MMP16: variants seen among roughly 807,000 people sequenced by gnomAD.
MMP16 encodes the protein matrix metalloproteinase-16.
Under a neutral mutation model 67.8 loss-of-function variants are expected in MMP16, and 12 were observed. The observed-to-expected ratio is 0.18, with a 90% confidence interval of 0.11 to 0.29. MMP16 has a LOEUF of 0.29. Among genes scored for constraint, MMP16 ranks in the 10% least tolerant of loss-of-function variants. The pLI is 1.00. For missense variants in MMP16, 475 were observed against 765.7 expected (o/e 0.62, Z 4.48); for synonymous variants, 249 against 255.9 (o/e 0.97, Z 0.26).
At chr8:88,198,262 C>T (rs1809288000) in intron 1 of MMP16, among the ~76,000 whole-genome samples, 1 of 152,150 alleles carries the variant, frequency 6.6e-6, no homozygotes, top group Non-Finnish European at 1.5e-5. Flanking sequence ...GTTCAGGCCA[C>T]ATCCCATCCT....
In MMP16 at chr8:88,298,797, G is replaced by T. The variant is rs538970965; in HGVS notation, c.132+28278C>A. 3.3e-5 allele frequency among the ~76,000 whole-genome samples: 5 copies of T among 152,064 alleles called. No homozygotes were observed. In the South Asian group the frequency reaches 1.0e-3, roughly 32 times the overall value. ...CTACATAATGTGAATTATCTATATT[G>T]CTTTTTAAGTCATCTCTTACTTCAA... On this transcript the variant is annotated intron_variant, in intron 1 of 9. Transcript: ENST00000286614.
chr8:88,254,730 A>G (rs1810276095), intron 1 of MMP16, among the ~76,000 whole-genome samples: 1 of 152,220 alleles, frequency 6.6e-6, no homozygotes, highest in Non-Finnish European at 1.5e-5. Context: ...ATTATAGCAA[A>G]GAGTAAACAA....
At chr8:88,286,049 G>T (rs1459809267) in intron 1 of MMP16, among the ~76,000 whole-genome samples, 1 of 152,124 alleles carries the variant, frequency 6.6e-6, no homozygotes. Context: ...CAAAAAGTCA[G>T]TAACAGGTCT....
At chr8:88,283,711 G>C (rs573426333) in intron 1 of MMP16, among the ~76,000 whole-genome samples, 2 of 152,074 alleles carry the variant, frequency 1.3e-5, no homozygotes, top group South Asian at 2.1e-4. Flanking sequence ...AACCAAAAAT[G>C]CTTTAAAATT....
chr8:88,182,850 T>G (rs751112322), intron 3 of MMP16, among the ~76,000 whole-genome samples: 3 of 152,014 alleles, frequency 2.0e-5, no homozygotes, highest in Non-Finnish European at 2.9e-5. Context: ...AATGGCACAT[T>G]TATACAATGG....
At chr8:88,192,804 T>C (rs1414578603) in intron 2 of MMP16, among the ~76,000 whole-genome samples, 2 of 152,160 alleles carry the variant, frequency 1.3e-5, no homozygotes, top group South Asian at 4.1e-4. Context: ...AAAAATCTAC[T>C]TATTCAACCT....
chr8:88,090,816 T>A (rs751445838), intron 6 of MMP16, among the ~76,000 whole-genome samples: 10 of 151,858 alleles, frequency 6.6e-5, no homozygotes, highest in Non-Finnish European at 1.5e-4. Context: ...ATAGCTTTTG[T>A]GGTCTGGATA....
At chr8:88,254,576 C>A (rs1192309277) in intron 1 of MMP16, among the ~76,000 whole-genome samples, 1 of 151,752 alleles carries the variant, frequency 6.6e-6, no homozygotes, top group Non-Finnish European at 1.5e-5. Context: ...AATGCATCCA[C>A]TAGTTTGTAT....
chr8:88,211,533 T>C (rs1396141389), intron 1 of MMP16, among the ~76,000 whole-genome samples: 2 of 152,106 alleles, frequency 1.3e-5, no homozygotes, highest in African/African-American at 2.4e-5. Context: ...CCAAACTTCA[T>C]GGGGCAGAGC....
At chr8:88,216,077 G>C (rs191068034) in intron 1 of MMP16, among the ~76,000 whole-genome samples, 2 of 152,252 alleles carry the variant, frequency 1.3e-5, no homozygotes, top group Non-Finnish European at 2.9e-5. Flanking sequence ...TTTTAGTCTA[G>C]AGCAGTGTTC....
intron 7 of MMP16, among the ~76,000 whole-genome samples, chr8:88,057,410 C>T (rs1808345028): frequency 1.3e-5 from 2 of 152,090 alleles, no homozygotes; most frequent in Non-Finnish European, 2.9e-5. Context: ...AGTCAGTAAA[C>T]ACCCATTACC....
intron 2 of MMP16, among the ~76,000 whole-genome samples, chr8:88,195,784 T>C (rs1809240606): frequency 6.6e-6 from 1 of 152,140 alleles, no homozygotes; most frequent in Non-Finnish European, 1.5e-5. Flanking sequence ...AAGATGTAGA[T>C]CAAAGTTAAT....
At position 88,131,837 on chromosome 8, in the gene MMP16, C is replaced by T. The variant is rs1240385815; in HGVS notation, c.710-12976G>A. 2.0e-5 allele frequency among the ~76,000 whole-genome samples: 3 copies of T among 151,812 alleles called. No homozygotes were observed. In the East Asian group the frequency reaches 5.8e-4, roughly 30 times the overall value. ...CACAACACATATAAAAGTGATGAAA[C>T]ATTTGCCCCTCTTCTCTCATTGTTG... On this transcript the variant is annotated intron_variant, in intron 4 of 9. Transcript: ENST00000286614.
intron 1 of MMP16, among the ~76,000 whole-genome samples, chr8:88,270,296 C>T (rs549236847): frequency 2.0e-5 from 3 of 152,266 alleles, no homozygotes; most frequent in Admixed American, 1.3e-4. Context: ...ATACTACAAT[C>T]CCATTTCTAA....
intron 2 of MMP16, among the ~76,000 whole-genome samples, chr8:88,194,528 C>T (rs1809221144): frequency 6.6e-6 from 1 of 151,890 alleles, no homozygotes; most frequent in African/African-American, 2.4e-5. Flanking sequence ...AAAAATAGTA[C>T]ACTATTTCAG....
intron 1 of MMP16, among the ~76,000 whole-genome samples, chr8:88,268,073 T>C (rs1810506480): frequency 6.6e-6 from 1 of 152,224 alleles, no homozygotes. Context: ...CCGGGAGCGG[T>C]GGCTCGTGCC....
intron 6 of MMP16, among the ~76,000 whole-genome samples, chr8:88,092,772 C>T (rs1377632197): frequency 6.6e-6 from 1 of 151,726 alleles, no homozygotes; most frequent in Non-Finnish European, 1.5e-5. Context: ...TTGATCTTTG[C>T]CATTAATATT....
chr8:88,179,577 T>C (rs979666994), intron 3 of MMP16, among the ~76,000 whole-genome samples: 4 of 152,144 alleles, frequency 2.6e-5, no homozygotes, highest in Admixed American at 2.6e-4. Context: ...TATTCTAGTT[T>C]TAATTGATCT....
In MMP16 at chr8:88,035,624, T is replaced by G. The variant is rs1808044830; in HGVS notation, c.*5837A>C. 6.6e-6 allele frequency: 1 copy of G among 152,030 alleles called. No homozygotes were observed. Among genetic ancestry groups the G allele is most frequent in the South Asian group, 2.1e-4 (1 of 4,834 alleles). The allele number at this position is 152,030 out of a possible 1,614,324, so 9.4% of individuals were successfully genotyped here. A position where few individuals can be genotyped will look rare whatever the true frequency, so the allele number is the denominator to read the frequency against. On this transcript the variant is annotated 3_prime_UTR_variant, in exon 10 of 10. Coordinates refer to ENST00000286614, the MANE Select transcript of MMP16 (RefSeq NM_005941.5). The surrounding 1 kb of genome is among the most constrained non-coding windows in gnomAD (Gnocchi z 4.7). ...AACACTAAGCTTCTGTGATCTTATATCCTTACTTAGTATAAATAAATAATA... is the reference window on the plus strand; with the variant it reads ...AACACTAAGCTTCTGTGATCTTATAGCCTTACTTAGTATAAATAAATAATA...
Sources: allele counts gnomAD v4.1 joint callset (sites outside exome capture counted in the v4.1 genomes callset), GRCh38; gene constraint gnomAD v4.1.1; non-coding constraint Gnocchi (gnomAD v3.1); transcripts MANE v1.5; gene names NCBI Gene and HGNC (gene_info 2026-07-23, HGNC 2026-07-21).